Variants in AFTPH observed in about 807,000 individuals in gnomAD.
AFTPH encodes the protein aftiphilin protein.
In AFTPH, 7 loss-of-function variants were observed where a neutral mutation model predicts 72.5. The ratio of observed to expected loss-of-function variants is 0.10; its 90% CI spans 0.05 to 0.18. The LOEUF (loss-of-function observed/expected upper bound fraction) is 0.18, where lower values mean the gene tolerates loss of function less well. Among genes scored for constraint, AFTPH ranks in the 10% least tolerant of loss-of-function variants. The pLI is 1.00. For missense variants in AFTPH, 979 were observed against 1,060.5 expected (o/e 0.92, Z 1.07); for synonymous variants, 337 against 370.1 (o/e 0.91, Z 1.03).
At chr2:64,553,087 A>G (rs1302409843) in exon 2 of AFTPH, 4 of 1,614,216 alleles carry the variant, frequency 2.5e-6, no homozygotes, top group East Asian at 2.2e-5. Flanking sequence ...GAGATTGGAC[A>G]TTTTGATTCT....
At chr2:64,530,599 G>C (rs1412531566) in intron 1 of AFTPH, among the ~76,000 whole-genome samples, 1 of 152,028 alleles carries the variant, frequency 6.6e-6, no homozygotes, top group Non-Finnish European at 1.5e-5. Flanking sequence ...AATATCACTG[G>C]TCATCATACT....
At chr2:64,580,033 A>G (rs373202897) in intron 7 of AFTPH, 2 of 152,926 alleles carry the variant, frequency 1.3e-5, no homozygotes, top group South Asian at 4.1e-4. Context: ...CCTATATGCA[A>G]ATAGAAAATA....
intron 2 of AFTPH, among the ~76,000 whole-genome samples, chr2:64,566,418 A>AT (rs556442502): frequency 6.3e-4 from 94 of 149,838 alleles, no homozygotes; most frequent in African/African-American, 1.6e-3. Flanking sequence ...ATGTTATGAA[A>AT]TTTTTTTTTT....
At chr2:64,543,598 A>G (rs1042175022) in intron 1 of AFTPH, among the ~76,000 whole-genome samples, 3 of 152,218 alleles carry the variant, frequency 2.0e-5, no homozygotes, top group Non-Finnish European at 4.4e-5. Flanking sequence ...GTGGTTATCC[A>G]GTTAATCCAG....
chr2:64,543,291 C>A (rs114807206), intron 1 of AFTPH, among the ~76,000 whole-genome samples: 5 of 152,176 alleles, frequency 3.3e-5, no homozygotes, highest in African/African-American at 4.8e-5. Context: ...TTGACAGTTA[C>A]ATGTTTTGCA....
chr2:64,588,251 A>C (rs1673624891), intron 8 of AFTPH, among the ~76,000 whole-genome samples: 1 of 151,860 alleles, frequency 6.6e-6, no homozygotes, highest in African/African-American at 2.4e-5. Context: ...TTCTGTTCTC[A>C]AGTTCATTCA....
intron 1 of AFTPH, among the ~76,000 whole-genome samples, chr2:64,545,374 C>A (rs1331667783): frequency 6.6e-6 from 1 of 151,136 alleles, no homozygotes; most frequent in Non-Finnish European, 1.5e-5. Context: ...AAGTTCCTAG[C>A]ATCCTTATTA....
chr2:64,557,081 A>T (rs1553400028), intron 2 of AFTPH, among the ~76,000 whole-genome samples: 5 of 151,300 alleles, frequency 3.3e-5, no homozygotes, highest in Non-Finnish European at 7.4e-5. Flanking sequence ...TATTTTAACA[A>T]TTTTTTTTTC....
intron 1 of AFTPH, among the ~76,000 whole-genome samples, chr2:64,549,582 A>G (rs1193264728): frequency 2.0e-5 from 3 of 151,940 alleles, no homozygotes; most frequent in East Asian, 1.9e-4. Context: ...CAGCCTCCCA[A>G]AGTGCTGGGA....
intron 1 of AFTPH, among the ~76,000 whole-genome samples, chr2:64,534,138 T>A (rs775247767): frequency 4.6e-5 from 7 of 152,208 alleles, no homozygotes; most frequent in South Asian, 2.1e-4. Context: ...TGCTGTGGTT[T>A]ATCATCTCTC....
At chr2:64,524,452 T>C (rs1669123004) in exon 1 of AFTPH, 4 of 401,968 alleles carry the variant, frequency 1.0e-5, no homozygotes, top group African/African-American at 6.2e-5. Context: ...GCGGTGAAAC[T>C]CCGGGTGGGC....
At chr2:64,549,396 T>C (rs533164242) in intron 1 of AFTPH, among the ~76,000 whole-genome samples, 3 of 145,010 alleles carry the variant, frequency 2.1e-5, no homozygotes, top group Non-Finnish European at 4.5e-5. Flanking sequence ...TCTCGCCTCA[T>C]TGCAATCTCC....
chr2:64,542,546 C>A (rs912637447), intron 1 of AFTPH, among the ~76,000 whole-genome samples: 1 of 152,136 alleles, frequency 6.6e-6, no homozygotes, highest in Non-Finnish European at 1.5e-5. Flanking sequence ...GGTCACTGGA[C>A]CCTTGAGCTT....
At chr2:64,539,451 T>C (rs1670089914) in intron 1 of AFTPH, among the ~76,000 whole-genome samples, 1 of 152,200 alleles carries the variant, frequency 6.6e-6, no homozygotes, top group Non-Finnish European at 1.5e-5. Flanking sequence ...GCACAAATGA[T>C]TGGGTTGTTT....
chr2:64,534,769 T>A (rs1029723503), intron 1 of AFTPH, among the ~76,000 whole-genome samples: 102 of 150,890 alleles, frequency 6.8e-4, no homozygotes, highest in African/African-American at 2.5e-3. Context: ...GAGAATTCCA[T>A]AACATTTAAA....
chr2:64,563,378 T>C (rs1426385272), intron 2 of AFTPH, among the ~76,000 whole-genome samples: 5 of 152,252 alleles, frequency 3.3e-5, no homozygotes, highest in African/African-American at 1.2e-4. Flanking sequence ...ACAGTTTTGA[T>C]ACACCTTTTA....
chr2:64,568,981 G>T, intron 3 of AFTPH, 111 bp from the exon 4 acceptor site: 1 of 1,156,432 alleles, frequency 8.6e-7, no homozygotes, highest in Non-Finnish European at 1.3e-6. Context: ...ACTTACGTTG[G>T]ACCCAAGAGT....
At chr2:64,544,252 A>G (rs1044882404) in intron 1 of AFTPH, among the ~76,000 whole-genome samples, 7 of 152,196 alleles carry the variant, frequency 4.6e-5, no homozygotes, top group Non-Finnish European at 8.8e-5. Context: ...CTCTATCTCT[A>G]TGCTCTGACT....
chr2:64,569,636 A>G (rs1672301128), exon 5 of AFTPH: 6 of 1,613,796 alleles, frequency 3.7e-6, no homozygotes, highest in Non-Finnish European at 5.1e-6. Context: ...TTCACGGGCA[A>G]TAAGAAGCAG....
Sources: allele counts gnomAD v4.1 joint callset (sites outside exome capture counted in the v4.1 genomes callset), GRCh38; gene constraint gnomAD v4.1.1; transcripts MANE v1.5; gene names NCBI Gene and HGNC (gene_info 2026-07-23, HGNC 2026-07-21).